CBFA2T3: variants seen among roughly 807,000 people sequenced by gnomAD.
The protein encoded by CBFA2T3 is transcriptional corepressor CBFA2T3.
In CBFA2T3, 31 loss-of-function variants were observed where a neutral mutation model predicts 58.6. The observed-to-expected ratio is 0.53, with a 90% CI of 0.40 to 0.71. The LOEUF is 0.71. Among genes scored for constraint, CBFA2T3 ranks in the 30% least tolerant of loss-of-function variants. The probability of loss-of-function intolerance (pLI) is 0.00; values close to 1 mark genes in which losing one functional copy is unlikely to be tolerated. For missense variants in CBFA2T3, 1,076 were observed against 963.1 expected, an observed-to-expected ratio of 1.12 and a Z score of -1.55; for synonymous variants, 531 against 421.9, an observed-to-expected ratio of 1.26 and a Z score of -3.17.
intron 1 of CBFA2T3, among the ~76,000 whole-genome samples, chr16:88,917,573 A>T (rs1047304380): frequency 6.6e-6 from 1 of 152,198 alleles, no homozygotes; most frequent in Non-Finnish European, 1.5e-5. Context: ...GTCGCTGTTT[A>T]AAAAAATGTG....
At chr16:88,969,629 G>A (rs1034765090) in intron 1 of CBFA2T3, among the ~76,000 whole-genome samples, 3 of 152,250 alleles carry the variant, frequency 2.0e-5, no homozygotes, top group Non-Finnish European at 4.4e-5. Context: ...CCAGGGAGCC[G>A]AGGGAGAGGG....
rs1968873675 is a variant in CBFA2T3 at position 88,877,247 on chromosome 16, C to G, written c.1691G>C (p.Ser564Thr). The change falls in exon 12 of 12, where the codon AGT becomes ACT. Residue 564 changes from serine to threonine, a missense_variant. Coordinates refer to ENST00000268679, the MANE Select transcript of CBFA2T3 (RefSeq NM_005187.6). Reference protein sequence around the residue: ...ESCWNCGRKASETCSGCNAAR... With the variant: ...ESCWNCGRKATETCSGCNAAR... ...CGCGTTGCAGCCGCTGCACGTCTCA[C>G]TGGCTTTCCGCCCGCAGTTCCAGCA... 6.4e-7 allele frequency: 1 copy of G among 1,554,128 alleles called. No homozygotes were observed.
chr16:88,925,944 G>C (rs1387224364), intron 1 of CBFA2T3, among the ~76,000 whole-genome samples: 2 of 152,236 alleles, frequency 1.3e-5, no homozygotes, highest in Non-Finnish European at 2.9e-5. Flanking sequence ...AGAAGGACCA[G>C]GACCAGAAAG....
chr16:88,961,311 C>T (rs999811569), intron 1 of CBFA2T3, among the ~76,000 whole-genome samples: 1 of 152,188 alleles, frequency 6.6e-6, no homozygotes, highest in Non-Finnish European at 1.5e-5. Context: ...TGCATAGTAA[C>T]CGACACTCAC....
rs1968816455 is a variant in CBFA2T3, at chr16:88,875,937, G to A, written c.*1039C>T. ...ACGGCACACGGACCACGCACACGCG[G>A]CGGACGCACCAACGCCTACGCAGAA... On this transcript the variant is annotated 3_prime_UTR_variant, in exon 12 of 12. Coordinates refer to ENST00000268679, the MANE Select transcript of CBFA2T3 (RefSeq NM_005187.6). 4.3e-6 allele frequency: 1 copy of A among 233,302 alleles called. No homozygotes were observed. The highest frequency in any genetic ancestry group is 8.5e-6 in the Non-Finnish European group (1 of 117,928). 14.5% of individuals were successfully genotyped at this position (233,302 alleles called of 1,614,324 possible). A position where few individuals can be genotyped will look rare whatever the true frequency, so the allele number is the denominator to read the frequency against.
Position 88,885,184 on chromosome 16 carries a change from A to G in CBFA2T3, c.979T>C (p.Tyr327His), listed in dbSNP as rs1350653142. The G allele has an allele frequency of 1.9e-6, 3 of 1,603,556 alleles. No homozygotes were observed. The highest frequency in any genetic ancestry group is 2.2e-5 in the South Asian group (2 of 90,632). ...RPCTLNPAQR[Y>H]SPSNGPPQPT... ...TGCGGTGGCCCGTTGCTGGGGCTGT[A>G]GCGCTGGGCAGGGTTCAGGGTGCAT... is the stretch of plus-strand genomic sequence containing the variant. The change falls in exon 7 of 12, where the codon TAC (tyrosine) becomes CAC (histidine). Residue 327 changes from tyrosine to histidine, a missense_variant. Physicochemically the swap from Tyr to His is moderately conservative, Grantham distance 83. Transcript: ENST00000268679. This position sits in a 1 kb window ranked among gnomAD's most constrained non-coding sequence, Gnocchi z 5.3.
rs1000752289 is a variant in CBFA2T3, at chr16:88,934,601, C to T, written c.152-32945G>A. 4.6e-5 allele frequency among the ~76,000 whole-genome samples: 7 copies of T among 152,378 alleles called. No individual in the cohort carries two copies. In the East Asian group the frequency reaches 1.3e-3, roughly 29 times the overall value. The stretch of plus-strand genomic sequence containing the variant: ...AGGGACAGATGGGGACACGGAGGCC[C>T]AGAGGAGCGGAGAGGAGTCTGGCCT... On this transcript the variant is annotated intron_variant, in intron 1 of 11. Coordinates refer to ENST00000268679, the MANE Select transcript of CBFA2T3 (RefSeq NM_005187.6).
intron 1 of CBFA2T3, chr16:88,941,818 T>C (rs1040483383): frequency 6.3e-5 from 9 of 143,446 alleles, no homozygotes; most frequent in Admixed American, 4.8e-4. Flanking sequence ...GAACCGCGGC[T>C]TCTGGCGGCC....
intron 1 of CBFA2T3, among the ~76,000 whole-genome samples, chr16:88,949,065 C>T (rs1971978289): frequency 6.6e-6 from 1 of 152,178 alleles, no homozygotes; most frequent in South Asian, 2.1e-4. Flanking sequence ...AAAATAAACT[C>T]CACTTGGGTT....
chr16:88,972,239 A>G (rs1288598666), intron 1 of CBFA2T3, among the ~76,000 whole-genome samples: 6 of 151,942 alleles, frequency 3.9e-5, no homozygotes, highest in Non-Finnish European at 7.4e-5. Flanking sequence ...AGGTGCACTT[A>G]TGGGACCTGG....
chr16:88,934,627 C>T (rs892291122), intron 1 of CBFA2T3, among the ~76,000 whole-genome samples: 9 of 152,356 alleles, frequency 5.9e-5, no homozygotes, highest in South Asian at 2.1e-4. Flanking sequence ...AGTCTGGCCT[C>T]GCTGCCTGCC....
intron 1 of CBFA2T3, among the ~76,000 whole-genome samples, chr16:88,913,328 G>A (rs190044832): frequency 1.8e-4 from 28 of 152,358 alleles, no homozygotes; most frequent in Admixed American, 1.2e-3. Flanking sequence ...ACCCAGCCAC[G>A]CCCAGAAGAA....
At chr16:88,879,636 A>G (rs1968985524) in intron 10 of CBFA2T3, 176 bp from the exon 11 acceptor site, 1 of 605,670 alleles carries the variant, frequency 1.7e-6, no homozygotes, top group Non-Finnish European at 3.0e-6. Flanking sequence ...CACACGTAGC[A>G]TCTGTGCACA....
At chr16:88,942,182 TC>T in intron 1 of CBFA2T3, among the ~76,000 whole-genome samples, 1 of 152,110 alleles carries the variant, frequency 6.6e-6, no homozygotes, top group East Asian at 1.9e-4. Flanking sequence ...GCAGGCCCCC[TC>T]CCCCGCCCGC....
Position 88,976,720 on chromosome 16 carries a change from C to G in CBFA2T3, c.88G>C (p.Glu30Gln). Residue 30 changes from glutamate to glutamine, a missense_variant, in exon 1 of 12, where the codon GAG (glutamate) becomes CAG (glutamine). Coordinates refer to ENST00000268679, the MANE Select transcript of CBFA2T3 (RefSeq NM_005187.6). The stretch of plus-strand genomic sequence containing the variant: ...CCGGCAGATGCCAGGAGGCCGCTCT[C>G]CAGCACAGGGTGCGTCTGGGACATG... The part of the protein sequence containing the change: ...GSMSQTHPVL[E>Q]SGLLASAGCS... The G allele has an allele frequency of 6.4e-7, 1 of 1,558,806 alleles. No homozygotes were observed. The highest frequency in any genetic ancestry group is 8.7e-7 in the Non-Finnish European group (1 of 1,151,320).
chr16:88,915,192 T>C (rs8044877), intron 1 of CBFA2T3, among the ~76,000 whole-genome samples: 7,564 of 60,578 alleles, frequency 0.12, 742 homozygotes, highest in African/African-American at 0.32. Flanking sequence ...CGCCAGGTGG[T>C]GGCGTGGGTG....
chr16:88,936,118 C>A (rs566720775), intron 1 of CBFA2T3, among the ~76,000 whole-genome samples: 46 of 152,294 alleles, frequency 3.0e-4, no homozygotes, highest in African/African-American at 1.1e-3. Flanking sequence ...GGCACCCTGG[C>A]TTTCCCGGGT....
intron 1 of CBFA2T3, among the ~76,000 whole-genome samples, chr16:88,903,792 G>C (rs1383787657): frequency 1.3e-5 from 2 of 152,120 alleles, no homozygotes. Context: ...GGATGTGGCC[G>C]AGAGCTTCAA....
At chr16:88,930,935 G>A (rs1357900094) in intron 1 of CBFA2T3, among the ~76,000 whole-genome samples, 4 of 151,920 alleles carry the variant, frequency 2.6e-5, no homozygotes, top group East Asian at 1.9e-4. Context: ...GGCGGGGGGC[G>A]TGGCGTTGCA....
Sources: gnomAD v4.1 joint callset for allele counts (sites outside exome capture counted in the v4.1 genomes callset) on GRCh38, gnomAD v4.1.1 for gene constraint, Gnocchi (gnomAD v3.1) non-coding constraint, MANE v1.5 for transcripts, NCBI Gene and HGNC (gene_info 2026-07-23, HGNC 2026-07-21) for gene names.